The following RSPO2 variants were observed in gnomAD, a reference collection of about 807,000 sequenced individuals.
RSPO2 encodes the protein R-spondin-2.
RSPO2 carries 14 observed loss-of-function variants against 30.9 expected under a neutral mutation model. That is an observed-to-expected ratio of 0.45 (90% CI 0.30 to 0.71). The LOEUF is 0.71. RSPO2 is among the 30% of genes least tolerant of loss of function. RSPO2 has a pLI of 0.08. For missense variants in RSPO2, 264 were observed against 301.9 expected (o/e 0.87, Z 0.93); for synonymous variants, 107 against 96.4 (o/e 1.11, Z -0.64).
intron 4 of RSPO2, 116 bp downstream of exon 4, chr8:107,960,558 A>T: frequency 1.0e-6 from 1 of 969,602 alleles, no homozygotes; most frequent in Non-Finnish European, 1.6e-6. Flanking sequence ...TTTCAGTTCT[A>T]CTGAACAAGA....
At chr8:107,946,154 G>A (rs1813051087) in intron 5 of RSPO2, among the ~76,000 whole-genome samples, 1 of 152,226 alleles carries the variant, frequency 6.6e-6, no homozygotes, top group Admixed American at 6.5e-5. Context: ...CTCTGTGCTA[G>A]GCAAAGTATG....
At chr8:107,983,075 C>T in intron 3 of RSPO2, 1 of 1,305,684 alleles carries the variant, frequency 7.7e-7, no homozygotes, top group South Asian at 1.5e-5. Flanking sequence ...TTCCCTGGCA[C>T]CACTACTCCC....
At chr8:108,054,832 G>A (rs540172536) in intron 2 of RSPO2, among the ~76,000 whole-genome samples, 74 of 152,270 alleles carry the variant, frequency 4.9e-4, no homozygotes, top group African/African-American at 1.7e-3. Flanking sequence ...AACGGAAAAG[G>A]GCTGGGCAGG....
intron 2 of RSPO2, among the ~76,000 whole-genome samples, chr8:108,056,448 A>C (rs1421726538): frequency 7.2e-6 from 1 of 138,796 alleles, no homozygotes; most frequent in East Asian, 2.1e-4. Context: ...GCAAAACCCC[A>C]TCTCTATAAA....
chr8:108,030,888 T>C (rs1411542016), intron 2 of RSPO2, among the ~76,000 whole-genome samples: 1 of 152,228 alleles, frequency 6.6e-6, no homozygotes, highest in Non-Finnish European at 1.5e-5. Flanking sequence ...ATAGGATACA[T>C]TTTATCAAGC....
intron 2 of RSPO2, among the ~76,000 whole-genome samples, chr8:107,998,915 C>T (rs1409765077): frequency 7.2e-5 from 11 of 151,992 alleles, no homozygotes; most frequent in East Asian, 1.9e-4. Flanking sequence ...GGCATGGTGC[C>T]GCATGCCTGT....
At chr8:107,929,043 A>G (rs1046431766) in intron 5 of RSPO2, among the ~76,000 whole-genome samples, 1 of 152,156 alleles carries the variant, frequency 6.6e-6, no homozygotes, top group Non-Finnish European at 1.5e-5. Context: ...ATGCCCTGAC[A>G]CTGTTGCAAG....
intron 2 of RSPO2, among the ~76,000 whole-genome samples, chr8:108,029,262 T>C (rs1490336917): frequency 3.3e-5 from 5 of 151,798 alleles, no homozygotes; most frequent in Non-Finnish European, 2.9e-5. Context: ...AATTGAGGAG[T>C]TGCCACAGAG....
At chr8:108,049,205 A>G (rs1811999411) in intron 2 of RSPO2, among the ~76,000 whole-genome samples, 1 of 151,922 alleles carries the variant, frequency 6.6e-6, no homozygotes, top group Non-Finnish European at 1.5e-5. Flanking sequence ...TATGTATCAA[A>G]CCTGCACGTT....
At chr8:108,011,361 G>T (rs1006011621) in intron 2 of RSPO2, among the ~76,000 whole-genome samples, 17 of 151,794 alleles carry the variant, frequency 1.1e-4, no homozygotes, top group Admixed American at 1.1e-3. Context: ...AAAAAATCTT[G>T]CAAAAAAGAC....
At chr8:107,981,394 G>A (rs72680470) in intron 3 of RSPO2, among the ~76,000 whole-genome samples, 165 of 151,896 alleles carry the variant, frequency 1.1e-3, no homozygotes, top group Non-Finnish European at 1.4e-3. Flanking sequence ...CGTGGCGTGC[G>A]CCTGTAGTCC....
chr8:107,905,361 C>CTA (rs1320822722), intron 5 of RSPO2, among the ~76,000 whole-genome samples: 49 of 152,022 alleles, frequency 3.2e-4, no homozygotes, highest in Admixed American at 2.2e-3. Context: ...AAGCTTCTCT[C>CTA]TATATATATA....
chr8:107,991,288 A>ACACACACG (rs1362403144), intron 2 of RSPO2, among the ~76,000 whole-genome samples: 5 of 150,060 alleles, frequency 3.3e-5, no homozygotes, highest in African/African-American at 1.2e-4. Flanking sequence ...ACACACACAC[A>ACACACACG]CACGCAATGG....
rs902659638 is a variant in RSPO2 at position 107,983,593 on chromosome 8, G to A, written c.283+5463C>T. The A allele has an allele frequency of 3.1e-6, 5 of 1,597,532 alleles. No individual in the cohort carries two copies. The Admixed American group carries it at 5.0e-5, about 16-fold the overall frequency. On this transcript the variant is annotated intron_variant, in intron 3 of 5. Coordinates refer to ENST00000276659, the MANE Select transcript of RSPO2 (RefSeq NM_178565.5). ...AGCAGAGCCATGTATTGGAAGTAAA[G>A]CCCCAAAAGACGATAAAACAATTAT...
rs946852323 is a variant in RSPO2 at position 108,082,739 on chromosome 8, G to A, written c.-101C>T. The A allele has an allele frequency of 1.3e-4, 124 of 923,272 alleles. No homozygotes were observed. The highest frequency in any genetic ancestry group is 9.2e-4 in the East Asian group (37 of 40,314). 57.2% of individuals were successfully genotyped at this position (923,272 alleles called of 1,614,324 possible). A position where few individuals can be genotyped will look rare whatever the true frequency, so the allele number is the denominator to read the frequency against. On this transcript the variant is annotated 5_prime_UTR_variant, in exon 2 of 6. Coordinates refer to ENST00000276659, the MANE Select transcript of RSPO2 (RefSeq NM_178565.5). ...CCGCGCTGCTGGGGAGGACTCAGAG[G>A]GAGACTCGCCACTCACCCCCGGGCC...
intron 3 of RSPO2, among the ~76,000 whole-genome samples, chr8:107,985,824 C>T (rs1814607468): frequency 6.6e-6 from 1 of 152,172 alleles, no homozygotes; most frequent in Non-Finnish European, 1.5e-5. Flanking sequence ...CACAGAATTA[C>T]TCAGATAGTT....
chr8:107,944,459 GA>G (rs1277247168), intron 5 of RSPO2, among the ~76,000 whole-genome samples: 1 of 152,050 alleles, frequency 6.6e-6, no homozygotes. Context: ...CCAAAAATAG[GA>G]GACATGTTAC....
chr8:108,056,825 G>A (rs572264675), intron 2 of RSPO2, among the ~76,000 whole-genome samples: 5 of 151,104 alleles, frequency 3.3e-5, no homozygotes, highest in East Asian at 2.0e-4. Flanking sequence ...GGAGGCCAAG[G>A]GGGGTGGATC....
At chr8:108,038,386 G>T (rs1480172844) in intron 2 of RSPO2, among the ~76,000 whole-genome samples, 1 of 152,132 alleles carries the variant, frequency 6.6e-6, no homozygotes, top group African/African-American at 2.4e-5. Flanking sequence ...TTCTTGAGAT[G>T]GAATCTACTC....
Sources: allele counts gnomAD v4.1 joint callset (sites outside exome capture counted in the v4.1 genomes callset), GRCh38; gene constraint gnomAD v4.1.1; transcripts MANE v1.5; gene names NCBI Gene and HGNC (gene_info 2026-07-23, HGNC 2026-07-21).